NIPBL: variants seen among roughly 807,000 people sequenced by gnomAD.
The protein encoded by NIPBL is nipped-B-like protein.
NIPBL carries 19 observed loss-of-function variants against 321.8 expected under a neutral mutation model. The ratio of observed to expected loss-of-function variants is 0.06; its 90% CI spans 0.04 to 0.09. NIPBL has a LOEUF of 0.09. Among genes scored for constraint, NIPBL ranks in the 10% least tolerant of loss-of-function variants. The pLI is 1.00. For missense variants in NIPBL, 2,210 were observed against 3,327.0 expected, an observed-to-expected ratio of 0.66 and a Z score of 8.26; for synonymous variants, 1,106 against 1,114.1, an observed-to-expected ratio of 0.99 and a Z score of 0.14.
chr5:36,932,609 G>T (rs1371819966), intron 1 of NIPBL, among the ~76,000 whole-genome samples: 2 of 151,838 alleles, frequency 1.3e-5, no homozygotes, highest in Admixed American at 6.6e-5. Context: ...ATATAATTGG[G>T]TCTTGTTATT....
intron 32 of NIPBL, among the ~76,000 whole-genome samples, chr5:37,029,035 A>G (rs761389911): frequency 1.3e-5 from 2 of 152,248 alleles, no homozygotes; most frequent in Non-Finnish European, 2.9e-5. Flanking sequence ...GAGGCTTAAT[A>G]TGATTAAAGT....
intron 3 of NIPBL, among the ~76,000 whole-genome samples, chr5:36,957,438 A>G (rs577961164): frequency 2.1e-4 from 32 of 152,314 alleles, no homozygotes; most frequent in African/African-American, 7.5e-4. Context: ...CCAATACCAA[A>G]TATCAACTTT....
chr5:37,054,655 G>C (rs1295428476), intron 42 of NIPBL, among the ~76,000 whole-genome samples: 6 of 152,120 alleles, frequency 3.9e-5, no homozygotes, highest in Non-Finnish European at 8.8e-5. Context: ...TGGAAACCCA[G>C]CTCTCACAAT....
intron 1 of NIPBL, among the ~76,000 whole-genome samples, chr5:36,896,806 G>A (rs1746777408): frequency 6.6e-6 from 1 of 152,028 alleles, no homozygotes; most frequent in Admixed American, 6.6e-5. Context: ...CGCCATGTTG[G>A]CCAGGCTTGT....
At chr5:36,923,386 A>G (rs971999685) in intron 1 of NIPBL, among the ~76,000 whole-genome samples, 2 of 152,064 alleles carry the variant, frequency 1.3e-5, no homozygotes, top group African/African-American at 4.8e-5. Flanking sequence ...AGATATATAT[A>G]TATTTTTTCC....
intron 1 of NIPBL, chr5:36,885,911 G>A (rs1243182299): frequency 8.1e-6 from 6 of 737,200 alleles, no homozygotes; most frequent in Non-Finnish European, 1.5e-5. Context: ...GACCGTGAAG[G>A]TAGATGCTCC....
chr5:37,021,254 G>A (rs1215637245), intron 27 of NIPBL, among the ~76,000 whole-genome samples: 3 of 152,154 alleles, frequency 2.0e-5, no homozygotes, highest in Non-Finnish European at 2.9e-5. Flanking sequence ...AGCCGAGATC[G>A]TGCCATTGCA....
At chr5:36,946,685 T>C (rs1200151352) in intron 1 of NIPBL, among the ~76,000 whole-genome samples, 1 of 152,006 alleles carries the variant, frequency 6.6e-6, no homozygotes, top group Non-Finnish European at 1.5e-5. Context: ...TAGCTAAATA[T>C]TCCACATATA....
chr5:36,887,269 A>G (rs1221659734), intron 1 of NIPBL, among the ~76,000 whole-genome samples: 1 of 152,214 alleles, frequency 6.6e-6, no homozygotes, highest in African/African-American at 2.4e-5. Flanking sequence ...TTTTGAACAT[A>G]CAGCACATAG....
rs182078666 is a variant in NIPBL, at chr5:36,907,711, G to A, written c.-80+30533G>A. On this transcript the variant is annotated intron_variant, in intron 1 of 46. Transcript: ENST00000282516. Reference sequence around the variant, plus strand: ...ATCTGCAGTCCACAATATTTATAATGTGCATATGTTACCTTTACAATAAAA... The same window carrying A: ...ATCTGCAGTCCACAATATTTATAATATGCATATGTTACCTTTACAATAAAA... Among the ~76,000 whole-genome samples the A allele has an allele frequency of 2.6e-4, 39 of 152,308 alleles. No homozygotes were observed. In the Middle Eastern group the frequency reaches 0.01, roughly 40 times the overall value.
chr5:36,969,501 T>C (rs562128625), intron 6 of NIPBL, among the ~76,000 whole-genome samples: 116 of 152,308 alleles, frequency 7.6e-4, no homozygotes, highest in Non-Finnish European at 1.3e-3. Context: ...GCATTATATC[T>C]TAATGGGGGA....
At chr5:36,960,289 C>G (rs1006542287) in intron 4 of NIPBL, among the ~76,000 whole-genome samples, 1 of 151,674 alleles carries the variant, frequency 6.6e-6, no homozygotes, top group East Asian at 1.9e-4. Flanking sequence ...TCCAGTTTGT[C>G]CCAGTGATGG....
chr5:36,966,284 G>C (rs569856521), intron 6 of NIPBL, among the ~76,000 whole-genome samples: 23 of 151,988 alleles, frequency 1.5e-4, no homozygotes, highest in Non-Finnish European at 2.1e-4. Context: ...GAAGAGTTTG[G>C]CTACTTTTGT....
intron 1 of NIPBL, among the ~76,000 whole-genome samples, chr5:36,917,340 T>G (rs1158992321): frequency 2.0e-5 from 3 of 152,178 alleles, no homozygotes; most frequent in African/African-American, 7.2e-5. Flanking sequence ...GATGGGGTTG[T>G]TTTTTTCTTG....
intron 23 of NIPBL, 138 bp downstream of exon 23, chr5:37,016,308 CTG>C (rs1451012796): frequency 2.2e-6 from 2 of 913,764 alleles, no homozygotes; most frequent in South Asian, 1.5e-5. Context: ...ATGTGCATAA[CTG>C]TACACAATAT....
chr5:36,911,755 T>A (rs895031846), intron 1 of NIPBL, among the ~76,000 whole-genome samples: 1 of 152,200 alleles, frequency 6.6e-6, no homozygotes, highest in Non-Finnish European at 1.5e-5. Flanking sequence ...ATGTCATTGC[T>A]CTTCTACCCC....
At chr5:36,916,516 T>A (rs911649565) in intron 1 of NIPBL, among the ~76,000 whole-genome samples, 28 of 152,340 alleles carry the variant, frequency 1.8e-4, no homozygotes, top group African/African-American at 6.3e-4. Flanking sequence ...TTTTTTAAAT[T>A]ATACTTTAAG....
chr5:37,011,823 A>G (rs1748159562), intron 21 of NIPBL, among the ~76,000 whole-genome samples: 1 of 152,128 alleles, frequency 6.6e-6, no homozygotes, highest in Non-Finnish European at 1.5e-5. Context: ...CTCATACTAG[A>G]TTGTTTTTTA....
Position 36,996,570 on chromosome 5 carries a change from C to A in NIPBL, c.3304+766C>A. ...CCTCGCCTGTCTTCCTACTGGTCCACTGAAAAAGTTCTTCTCTTTTATCCC... is the reference window on the plus strand; with the variant it reads ...CCTCGCCTGTCTTCCTACTGGTCCAATGAAAAAGTTCTTCTCTTTTATCCC... On this transcript the variant is annotated intron_variant, in intron 11 of 46. Coordinates refer to ENST00000282516, the MANE Select transcript of NIPBL (RefSeq NM_133433.4). The surrounding 1 kb of genome is among the most constrained non-coding windows in gnomAD (Gnocchi z 5.0). 2.2e-6 allele frequency: 1 copy of A among 454,532 alleles called. No individual in the cohort carries two copies. Among genetic ancestry groups the A allele is most frequent in the East Asian group, 7.0e-5 (1 of 14,364 alleles). The allele number at this position is 454,532 out of a possible 1,614,324, so 28.2% of individuals were successfully genotyped here. A position where few individuals can be genotyped will look rare whatever the true frequency, so the allele number is the denominator to read the frequency against.
Sources: gnomAD v4.1 joint callset for allele counts (sites outside exome capture counted in the v4.1 genomes callset) on GRCh38, gnomAD v4.1.1 for gene constraint, Gnocchi (gnomAD v3.1) non-coding constraint, MANE v1.5 for transcripts, NCBI Gene and HGNC (gene_info 2026-07-23, HGNC 2026-07-21) for gene names.